The following GPC5 variants were observed in gnomAD, a reference collection of about 807,000 sequenced individuals.
GPC5 encodes glypican-5.
A neutral mutation model predicts 53.9 loss-of-function variants in GPC5; 47 were observed. The observed-to-expected ratio is 0.87, with a 90% CI of 0.69 to 1.11. GPC5 has a LOEUF of 1.11. GPC5 is among the 50% of genes most tolerant of loss of function. The pLI is 0.00. For missense variants in GPC5, 748 were observed against 713.1 expected (o/e 1.05, Z -0.56); for synonymous variants, 286 against 263.3 (o/e 1.09, Z -0.84).
chr13:92,453,019 T>A (rs1322960797), intron 7 of GPC5, among the ~76,000 whole-genome samples: 5 of 152,186 alleles, frequency 3.3e-5, no homozygotes, highest in African/African-American at 9.6e-5. Flanking sequence ...GCCGCACTAC[T>A]ACGCAGTATC....
In GPC5 at chr13:92,496,292, A is replaced by T. The variant is rs533509749; in HGVS notation, c.1561+351303A>T. On this transcript the variant is annotated intron_variant, in intron 7 of 7. Coordinates refer to ENST00000377067, the MANE Select transcript of GPC5 (RefSeq NM_004466.6). ...AATGAATCATAGGACAAGTTCAAAC[A>T]TTAGAAATATAAAATGGCAAATTTT... Among the ~76,000 whole-genome samples, 9 of 152,366 alleles carry T rather than the reference A, an allele frequency of 5.9e-5. No individual in the cohort carries two copies. In the South Asian group the frequency reaches 1.4e-3, roughly 25 times the overall value.
intron 7 of GPC5, among the ~76,000 whole-genome samples, chr13:92,373,753 C>T (rs2043670098): frequency 6.6e-6 from 1 of 152,148 alleles, no homozygotes; most frequent in South Asian, 2.1e-4. Flanking sequence ...ATGAAAATTT[C>T]AATATAGATT....
At chr13:92,602,491 G>T (rs1884110711) in intron 7 of GPC5, among the ~76,000 whole-genome samples, 1 of 151,716 alleles carries the variant, frequency 6.6e-6, no homozygotes, top group Admixed American at 6.6e-5. Context: ...TCTACTAACT[G>T]CTCCAAATCT....
At chr13:92,692,054 T>C (rs1475627447) in intron 7 of GPC5, among the ~76,000 whole-genome samples, 1 of 152,162 alleles carries the variant, frequency 6.6e-6, no homozygotes, top group Non-Finnish European at 1.5e-5. Flanking sequence ...TAGTCTTCAG[T>C]GTCTATTGTT....
intron 7 of GPC5, among the ~76,000 whole-genome samples, chr13:92,534,236 T>C (rs1464619534): frequency 1.3e-5 from 2 of 152,124 alleles, no homozygotes; most frequent in Non-Finnish European, 2.9e-5. Context: ...GCAGTGAACA[T>C]GCCACTGCAC....
chr13:92,442,694 G>A (rs1877623173), intron 7 of GPC5, among the ~76,000 whole-genome samples: 1 of 152,128 alleles, frequency 6.6e-6, no homozygotes, highest in African/African-American at 2.4e-5. Flanking sequence ...GTTTCAGGAA[G>A]CTTACAACAT....
At chr13:91,573,994 A>G (rs1202560648) in intron 2 of GPC5, among the ~76,000 whole-genome samples, 2 of 152,276 alleles carry the variant, frequency 1.3e-5, no homozygotes, top group East Asian at 1.9e-4. Flanking sequence ...TCTCTAGTAA[A>G]TAGTTAAGAG....
intron 7 of GPC5, among the ~76,000 whole-genome samples, chr13:92,626,529 T>C (rs1885051606): frequency 6.6e-6 from 1 of 152,174 alleles, no homozygotes. Context: ...GCAGGTGCAC[T>C]GGGTGCTGTC....
At chr13:91,711,375 T>C (rs1378625178) in intron 3 of GPC5, among the ~76,000 whole-genome samples, 1 of 151,710 alleles carries the variant, frequency 6.6e-6, no homozygotes, top group African/African-American at 2.4e-5. Flanking sequence ...AAACACCTCA[T>C]GTTCTCACTC....
At chr13:92,830,449 T>C (rs1373997903) in intron 7 of GPC5, among the ~76,000 whole-genome samples, 1 of 152,128 alleles carries the variant, frequency 6.6e-6, no homozygotes, top group Non-Finnish European at 1.5e-5. Context: ...GAACTATCAG[T>C]GGTCCTGAAG....
intron 7 of GPC5, among the ~76,000 whole-genome samples, chr13:92,829,864 G>T (rs1877991091): frequency 6.6e-6 from 1 of 152,040 alleles, no homozygotes; most frequent in African/African-American, 2.4e-5. Context: ...ATAGAGAAAA[G>T]ATTGCTAAGC....
At position 91,626,071 on chromosome 13, in the gene GPC5, A is replaced by C. The variant is rs529690505; in HGVS notation, c.326-67116A>C. Among the ~76,000 whole-genome samples, 5 of 152,246 alleles carry C rather than the reference A, an allele frequency of 3.3e-5. No homozygotes were observed. The South Asian group carries it at 8.3e-4, about 25-fold the overall frequency. On this transcript the variant is annotated intron_variant, in intron 2 of 7. Transcript: ENST00000377067. ...CTCTAAAACAATATCTGGTTTTCTAAGAAGCAATAACTGGTTTCCTAAGAA... is the reference window on the plus strand; with the variant it reads ...CTCTAAAACAATATCTGGTTTTCTACGAAGCAATAACTGGTTTCCTAAGAA...
At chr13:91,499,493 C>T (rs980275951) in intron 2 of GPC5, among the ~76,000 whole-genome samples, 2 of 152,106 alleles carry the variant, frequency 1.3e-5, no homozygotes, top group African/African-American at 4.8e-5. Flanking sequence ...ATCTTCCTGC[C>T]CTAGTAAACT....
chr13:91,639,378 CTGA>C (rs1265683338), intron 2 of GPC5, among the ~76,000 whole-genome samples: 4 of 152,156 alleles, frequency 2.6e-5, no homozygotes, highest in African/African-American at 9.7e-5. Flanking sequence ...AACAAACTTT[CTGA>C]TGATTCATAA....
At chr13:91,874,335 AAC>A (rs2039179654) in intron 5 of GPC5, among the ~76,000 whole-genome samples, 1 of 152,252 alleles carries the variant, frequency 6.6e-6, no homozygotes, top group African/African-American at 2.4e-5. Context: ...CTATTATATT[AAC>A]AGTTTTAATC....
At chr13:92,624,642 A>G (rs1884987822) in intron 7 of GPC5, among the ~76,000 whole-genome samples, 1 of 152,146 alleles carries the variant, frequency 6.6e-6, no homozygotes, top group South Asian at 2.1e-4. Context: ...GCCCCACTTT[A>G]CCCAATTCAG....
At chr13:92,685,379 G>A (rs1887231706) in intron 7 of GPC5, among the ~76,000 whole-genome samples, 1 of 152,182 alleles carries the variant, frequency 6.6e-6, no homozygotes, top group South Asian at 2.1e-4. Flanking sequence ...ACAGGCATGA[G>A]CCACTGTAGC....
rs111762514 is a variant in GPC5 at position 92,432,892 on chromosome 13, A to C, written c.1561+287903A>C. Among the ~76,000 whole-genome samples, 580 of 152,122 alleles carry C rather than the reference A, an allele frequency of 3.8e-3. 6 individuals carry two copies. The highest frequency in any genetic ancestry group is 0.014 in the African/African-American group (561 of 41,510). Reference sequence around the variant, plus strand: ...GGACTTAGAAGGATCCTCTGGAAAAAGATAAATATTTGACAGTCATTAGTA... The same window carrying C: ...GGACTTAGAAGGATCCTCTGGAAAACGATAAATATTTGACAGTCATTAGTA... On this transcript the variant is annotated intron_variant, in intron 7 of 7. Coordinates refer to ENST00000377067, the MANE Select transcript of GPC5 (RefSeq NM_004466.6).
chr13:92,652,780 C>A (rs1331870440), intron 7 of GPC5, among the ~76,000 whole-genome samples: 1 of 152,148 alleles, frequency 6.6e-6, no homozygotes, highest in African/African-American at 2.4e-5. Context: ...AATCCCTTAT[C>A]ATCTTTCCTC....
Sources: gnomAD v4.1 joint callset for allele counts (sites outside exome capture counted in the v4.1 genomes callset) on GRCh38, gnomAD v4.1.1 for gene constraint, MANE v1.5 for transcripts, NCBI Gene and HGNC (gene_info 2026-07-23, HGNC 2026-07-21) for gene names.